IPO11: variants seen among roughly 807,000 people sequenced by gnomAD.
IPO11 encodes the protein importin-11.
A neutral mutation model predicts 143.2 loss-of-function variants in IPO11; 66 were observed. The observed-to-expected ratio is 0.46, with a 90% confidence interval of 0.38 to 0.57. The LOEUF (loss-of-function observed/expected upper bound fraction) is 0.57, where lower values mean the gene tolerates loss of function less well. Among genes scored for constraint, IPO11 ranks in the 20% least tolerant of loss-of-function variants. The pLI, the probability that IPO11 is intolerant of heterozygous loss-of-function variation, is 0.00. For missense variants in IPO11, 1,026 were observed against 1,141.0 expected, an observed-to-expected ratio of 0.90 and a Z score of 1.45; for synonymous variants, 385 against 377.8, an observed-to-expected ratio of 1.02 and a Z score of -0.22.
chr5:62,484,034 C>T lies in IPO11; in HGVS notation c.1046C>T (p.Ala349Val), dbSNP rs1298029129. The change falls in exon 11 of 30, where the codon GCC (alanine) becomes GTC (valine). Residue 349 changes from alanine to valine, a missense_variant. Physicochemically the swap from Ala to Val is moderately conservative, Grantham distance 64. Around this residue, in one of 5 missense-constraint regions of IPO11, gnomAD observed 429 missense variants for 456.3 expected, o/e 0.94. Coordinates refer to ENST00000325324, the MANE Select transcript of IPO11 (RefSeq NM_016338.5). ...GATAGCAGCCCTGAAACTCTTGAAG[C>T]CCATAAGATTAAGATGGCATTCTTC... ...FEDSSPETLE[A>V]HKIKMAFFTY... 6.2e-7 allele frequency: 1 copy of T among 1,605,426 alleles called. No individual in the cohort carries two copies. Among genetic ancestry groups the T allele is most frequent in the Non-Finnish European group, 8.5e-7 (1 of 1,177,306 alleles).
rs1454684765 is a variant in IPO11, at chr5:62,449,931, C to G, written c.244C>G (p.Leu82Val). The G allele has an allele frequency of 2.6e-6, 4 of 1,560,708 alleles. No homozygotes were observed. Among genetic ancestry groups the G allele is most frequent in the East Asian group, 4.7e-5 (2 of 42,642 alleles). The change falls in exon 4 of 30, where the codon CTC becomes GTC. Residue 82 changes from leucine (L) to valine (V), a missense_variant. By Grantham distance (32) the Leu-to-Val change is conservative. Coordinates refer to ENST00000325324, the MANE Select transcript of IPO11 (RefSeq NM_016338.5). Reference sequence around the variant, plus strand: ...AATACTTTTTTTTTTTTACAGTGCTCTCTCAGAGGAGGAGAAAACTACTCT... The same window carrying G: ...AATACTTTTTTTTTTTTACAGTGCTGTCTCAGAGGAGGAGAAAACTACTCT... ...RYWRRVAPHALSEEEKTTLRA... is the reference protein window; with the variant it reads ...RYWRRVAPHAVSEEEKTTLRA...
At chr5:62,438,051 G>A (rs891305419) in intron 2 of IPO11, among the ~76,000 whole-genome samples, 1 of 152,194 alleles carries the variant, frequency 6.6e-6, no homozygotes, top group Non-Finnish European at 1.5e-5. Context: ...TGAGAACTCT[G>A]ATTAGTGTTT....
At chr5:62,413,950 G>A (rs1433704337) in intron 1 of IPO11, among the ~76,000 whole-genome samples, 2 of 152,166 alleles carry the variant, frequency 1.3e-5, no homozygotes, top group African/African-American at 4.8e-5. Context: ...TTTCCCTTTT[G>A]GTTATGATGG....
chr5:62,480,774 A>T lies in IPO11; in HGVS notation c.829-2327A>T, dbSNP rs1364026308. 2.6e-5 allele frequency among the ~76,000 whole-genome samples: 4 copies of T among 152,132 alleles called. No individual in the cohort carries two copies. The East Asian group carries it at 7.7e-4, about 29-fold the overall frequency. On this transcript the variant is annotated intron_variant, in intron 9 of 29. Transcript: ENST00000325324. The stretch of plus-strand genomic sequence containing the variant: ...GTATAGGAATGCTTGTGATTTTTGC[A>T]CATTAATTTTGTATTCTGAGACTTT...
At chr5:62,479,222 T>C (rs1401059636) in intron 9 of IPO11, among the ~76,000 whole-genome samples, 1 of 152,166 alleles carries the variant, frequency 6.6e-6, no homozygotes, top group East Asian at 1.9e-4. Flanking sequence ...ATGCTCAGAA[T>C]GATGGTTTCC....
intron 13 of IPO11, 95 bp downstream of exon 13, chr5:62,487,956 T>A: frequency 1.0e-6 from 1 of 993,116 alleles, no homozygotes; most frequent in African/African-American, 1.7e-5. Context: ...TACTGTTTCC[T>A]GGGTCATATA....
chr5:62,449,187 A>G (rs1160468396), intron 3 of IPO11, among the ~76,000 whole-genome samples: 1 of 152,168 alleles, frequency 6.6e-6, no homozygotes, highest in African/African-American at 2.4e-5. Flanking sequence ...GGCCTGAGCC[A>G]CTGTGCCTGG....
chr5:62,550,521 T>C (rs1424444883), intron 25 of IPO11, 59 bp downstream of exon 25: 1 of 1,130,732 alleles, frequency 8.8e-7, no homozygotes, highest in African/African-American at 1.5e-5. Context: ...TAGTTTTAAT[T>C]ACTCTGTTAG....
At chr5:62,483,008 T>C in intron 9 of IPO11, 93 bp from the exon 10 acceptor site, 3 of 822,846 alleles carry the variant, frequency 3.6e-6, no homozygotes, top group Non-Finnish European at 5.7e-6. Flanking sequence ...AACTGCTAAA[T>C]GATTATTAGT....
At chr5:62,484,257 A>G in intron 11 of IPO11, 95 bp downstream of exon 11, 1 of 992,668 alleles carries the variant, frequency 1.0e-6, no homozygotes, top group Non-Finnish European at 1.4e-6. Context: ...TTCATACAGC[A>G]CTTTTGATCT....
chr5:62,598,840 T>G (rs1428108728), intron 28 of IPO11, among the ~76,000 whole-genome samples: 1 of 151,946 alleles, frequency 6.6e-6, no homozygotes, highest in Non-Finnish European at 1.5e-5. Context: ...CCACCGCACC[T>G]GGCCCATAAA....
In IPO11 at chr5:62,596,268, CAAA is replaced by C. The variant is rs71608515; in HGVS notation, c.2678+4609_2678+4611del. ...TGGGTGACAGACCAAGGCCCTGTCT[CAAA>C]AAAAAAAAAAAAGAATTTAGCCAGC... On this transcript the variant is annotated intron_variant, in intron 28 of 29. Coordinates refer to ENST00000325324, the MANE Select transcript of IPO11 (RefSeq NM_016338.5). Among the ~76,000 whole-genome samples, 9 of 95,678 alleles carry C rather than the reference CAAA, an allele frequency of 9.4e-5. 1 individual carries two copies. The highest frequency in any genetic ancestry group is 3.7e-4 in the South Asian group (1 of 2,686). 62.8% of individuals were successfully genotyped at this position (95,678 alleles called of 152,430 possible).
rs905758332 is a variant in IPO11 at position 62,561,044 on chromosome 5, C to T, written c.2461-92C>T. 3.5e-6 allele frequency: 4 copies of T among 1,140,864 alleles called. 1 individual carries two copies. The South Asian group carries it at 5.4e-5, about 15-fold the overall frequency. The allele number at this position is 1,140,864 out of a possible 1,614,324, so 70.7% of individuals were successfully genotyped here. On this transcript the variant is annotated intron_variant, in intron 26 of 29. Transcript: ENST00000325324. Reference sequence around the variant, plus strand: ...GTGGTTTACTATAATTGAATTTTAACCATGACTTATGAGGCTTTAGCCTTT... The same window carrying T: ...GTGGTTTACTATAATTGAATTTTAATCATGACTTATGAGGCTTTAGCCTTT...
chr5:62,427,294 G>A (rs1200508105), intron 1 of IPO11, among the ~76,000 whole-genome samples: 1 of 152,102 alleles, frequency 6.6e-6, no homozygotes, highest in South Asian at 2.1e-4. Flanking sequence ...CCAAGCAGAA[G>A]TTTGTAGGTC....
intron 16 of IPO11, among the ~76,000 whole-genome samples, chr5:62,495,324 G>A (rs981492468): frequency 6.6e-6 from 1 of 152,080 alleles, no homozygotes; most frequent in Non-Finnish European, 1.5e-5. Context: ...TTAGAATAAA[G>A]CATAAGATTT....
rs1464746063 is a variant in IPO11, at chr5:62,443,059, G to A, written c.215G>A (p.Arg72His). The A allele has an allele frequency of 6.2e-7, 1 of 1,609,690 alleles. No homozygotes were observed. The highest frequency in any genetic ancestry group is 8.5e-7 in the Non-Finnish European group (1 of 1,177,304). ...CTGTATTTTAAACATGGAATTGATCGCTACTGGAGACGTGTAGCACCTCAG... is the reference window on the plus strand; with the variant it reads ...CTGTATTTTAAACATGGAATTGATCACTACTGGAGACGTGTAGCACCTCAG... ...AVLYFKHGID[R>H]YWRRVAPHAL... Residue 72 changes from arginine to histidine, a missense_variant, in exon 3 of 30, where the codon CGC becomes CAC. By Grantham distance (29) the Arg-to-His change is conservative. Around this residue, in one of 5 missense-constraint regions of IPO11, gnomAD observed 429 missense variants for 456.3 expected, o/e 0.94. Coordinates refer to ENST00000325324, the MANE Select transcript of IPO11 (RefSeq NM_016338.5).
At position 62,594,787 on chromosome 5, in the gene IPO11, C is replaced by T. The variant is rs115820237; in HGVS notation, c.2678+3115C>T. On this transcript the variant is annotated intron_variant, in intron 28 of 29. Coordinates refer to ENST00000325324, the MANE Select transcript of IPO11 (RefSeq NM_016338.5). ...TCTCTCACCTGAGAGAGCCCACAAC[C>T]TAGAAGGGGAGACAGGGACCAATGG... Among the ~76,000 whole-genome samples the T allele has an allele frequency of 4.6e-3, 699 of 152,224 alleles. 10 individuals carry two copies. The highest frequency in any genetic ancestry group is 0.016 in the African/African-American group (677 of 41,520).
chr5:62,548,549 TCTC>T (rs1743288666), intron 24 of IPO11, among the ~76,000 whole-genome samples: 1 of 152,166 alleles, frequency 6.6e-6, no homozygotes, highest in Non-Finnish European at 1.5e-5. Context: ...CTCTCTTCGT[TCTC>T]CTGGATTGGG....
At chr5:62,445,660 A>G (rs1306418598) in intron 3 of IPO11, among the ~76,000 whole-genome samples, 1 of 152,180 alleles carries the variant, frequency 6.6e-6, no homozygotes, top group African/African-American at 2.4e-5. Context: ...ACTTTATTAT[A>G]AAATAGGCTT....
Sources: gnomAD v4.1 joint callset for allele counts (sites outside exome capture counted in the v4.1 genomes callset) on GRCh38, gnomAD v4.1.1 for gene constraint, gnomAD v4.1.1 regional missense constraint, MANE v1.5 for transcripts, NCBI Gene and HGNC (gene_info 2026-07-23, HGNC 2026-07-21) for gene names.